DMD: variants seen among roughly 807,000 people sequenced by gnomAD.
The protein encoded by DMD is mutant dystrophin.
In DMD, 63 loss-of-function variants were observed where a neutral mutation model predicts 330.1. That is an observed-to-expected ratio of 0.19 (90% CI 0.16 to 0.24). The LOEUF is 0.24. Ranked by LOEUF, DMD falls within the 10% of genes least tolerant of loss-of-function variation. The probability of loss-of-function intolerance (pLI) is 1.00; values close to 1 mark genes in which losing one functional copy is unlikely to be tolerated. For missense variants in DMD, 3,344 were observed against 2,684.1 expected (o/e 1.25, Z -5.43); for synonymous variants, 1,223 against 959.8 (o/e 1.27, Z -5.07).
chrX:31,592,924 G>A (rs934198024), intron 55 of DMD, among the ~76,000 whole-genome samples: 1 of 111,183 alleles, frequency 9.0e-6, no homozygotes, highest in Admixed American at 9.6e-5. Context: ...AGGGATCAAA[G>A]AAGTGTGTAC....
chrX:31,551,252 G>C (rs759284186), intron 55 of DMD, among the ~76,000 whole-genome samples: 1 of 109,746 alleles, frequency 9.1e-6, no homozygotes, highest in East Asian at 2.9e-4. Flanking sequence ...AATGCTGTTG[G>C]GGATGCTCTG....
chrX:32,778,368 G>C (rs1055123760), intron 7 of DMD, among the ~76,000 whole-genome samples: 1 of 110,739 alleles, frequency 9.0e-6, no homozygotes, highest in African/African-American at 3.3e-5. Flanking sequence ...CTACCATTGA[G>C]GGCAGTTTGT....
At chrX:31,260,164 C>T (rs2050369033) in intron 63 of DMD, among the ~76,000 whole-genome samples, 1 of 111,615 alleles carries the variant, frequency 9.0e-6, no homozygotes, top group African/African-American at 3.3e-5. Flanking sequence ...CCGCCATGAG[C>T]CCAGGGGTTC....
intron 49 of DMD, among the ~76,000 whole-genome samples, chrX:31,823,634 G>C (rs2092823933): frequency 9.0e-6 from 1 of 110,597 alleles, no homozygotes; most frequent in African/African-American, 3.3e-5. Flanking sequence ...AGGCGGGAGA[G>C]CAGTGGCAAG....
intron 44 of DMD, among the ~76,000 whole-genome samples, chrX:32,196,680 G>A (rs1028261078): frequency 1.8e-5 from 2 of 110,447 alleles, no homozygotes; most frequent in Admixed American, 9.7e-5. Context: ...TATACTCTCG[G>A]GATCATGATA....
intron 2 of DMD, among the ~76,000 whole-genome samples, chrX:33,003,173 G>T (rs2093325853): frequency 9.1e-6 from 1 of 110,313 alleles, no homozygotes; most frequent in Admixed American, 9.8e-5. Flanking sequence ...TGAGTCCCTA[G>T]AGTCCATTAT....
At chrX:33,207,732 T>C (rs180686689) in intron 1 of DMD, among the ~76,000 whole-genome samples, 107 of 111,865 alleles carry the variant, frequency 9.6e-4, no homozygotes, top group African/African-American at 3.4e-3. Context: ...CCCAAGGAAG[T>C]CTAACTAATA....
In DMD at chrX:32,838,303, T is replaced by C. The variant is rs535717578; in HGVS notation, c.264+6480A>G. 1.7e-4 allele frequency among the ~76,000 whole-genome samples: 19 copies of C among 111,296 alleles called. No individual in the cohort carries two copies. The South Asian group carries it at 7.2e-3, about 42-fold the overall frequency. On this transcript the variant is annotated intron_variant, in intron 4 of 78. Coordinates refer to ENST00000357033, the MANE Select transcript of DMD (RefSeq NM_004006.3). ...TAAGTTCTGGGGTACATGTGCAGGT[T>C]TGTTACATAGTTATACACCTGCGAT...
intron 29 of DMD, among the ~76,000 whole-genome samples, chrX:32,429,525 T>C (rs924274942): frequency 9.3e-5 from 10 of 107,455 alleles, no homozygotes; most frequent in African/African-American, 3.4e-4. Context: ...CTGGTATTTT[T>C]CTACCATCTA....
intron 60 of DMD, among the ~76,000 whole-genome samples, chrX:31,378,095 C>A (rs943769700): frequency 1.8e-5 from 2 of 111,403 alleles, no homozygotes; most frequent in Non-Finnish European, 3.8e-5. Flanking sequence ...ACTCAGCCCG[C>A]CTGCATCCAG....
intron 12 of DMD, among the ~76,000 whole-genome samples, chrX:32,601,587 G>A: frequency 9.0e-6 from 1 of 111,584 alleles, no homozygotes; most frequent in East Asian, 2.8e-4. Context: ...ATATGGAAAA[G>A]GACATAGGAT....
At chrX:31,750,582 G>T (rs1174578453) in intron 51 of DMD, among the ~76,000 whole-genome samples, 1 of 110,863 alleles carries the variant, frequency 9.0e-6, no homozygotes, top group Non-Finnish European at 1.9e-5. Flanking sequence ...TTGAAAACTG[G>T]CACAAGACAG....
chrX:31,236,953 T>C (rs1471170473), intron 63 of DMD, among the ~76,000 whole-genome samples: 1 of 111,988 alleles, frequency 8.9e-6, no homozygotes, highest in Admixed American at 9.4e-5. Flanking sequence ...GTGAAAATGA[T>C]TTGCATCCTC....
At chrX:32,575,921 C>T (rs866849852) in intron 13 of DMD, among the ~76,000 whole-genome samples, 4 of 111,923 alleles carry the variant, frequency 3.6e-5, no homozygotes, top group Non-Finnish European at 7.5e-5. Context: ...TCTAGTGCTA[C>T]AAGACATATA....
At chrX:32,244,646 T>C (rs112755299) in intron 43 of DMD, among the ~76,000 whole-genome samples, 1,001 of 82,757 alleles carry the variant, frequency 0.012, 11 homozygotes, top group African/African-American at 0.019. Context: ...TTTGAATGAT[T>C]GCCATTCTAA....
intron 63 of DMD, among the ~76,000 whole-genome samples, chrX:31,240,880 C>G (rs2048196900): frequency 9.0e-6 from 1 of 111,469 alleles, no homozygotes; most frequent in African/African-American, 3.3e-5. Flanking sequence ...AAAGCCCTTC[C>G]TCTTCATCAC....
chrX:32,817,835 T>C (rs2077889920), intron 5 of DMD, among the ~76,000 whole-genome samples: 1 of 112,386 alleles, frequency 8.9e-6, no homozygotes, highest in African/African-American at 3.2e-5. Context: ...GATATACTAC[T>C]AAATCTCATT....
intron 2 of DMD, among the ~76,000 whole-genome samples, chrX:32,883,852 GAAAAT>G (rs2084258336): frequency 1.9e-5 from 1 of 52,206 alleles, no homozygotes; most frequent in Non-Finnish European, 3.7e-5. Flanking sequence ...AAAAAAAAAA[GAAAAT>G]GACTTCCATT....
At chrX:32,129,574 T>A (rs184411382) in intron 44 of DMD, among the ~76,000 whole-genome samples, 1 of 110,867 alleles carries the variant, frequency 9.0e-6, no homozygotes, top group Admixed American at 9.7e-5. Context: ...AAAGAGTTAT[T>A]CTCACCAATA....
Sources: gnomAD v4.1 joint callset for allele counts (sites outside exome capture counted in the v4.1 genomes callset) on GRCh38, gnomAD v4.1.1 for gene constraint, MANE v1.5 for transcripts, NCBI Gene and HGNC (gene_info 2026-07-23, HGNC 2026-07-21) for gene names.